Variants in NCOA1 observed in about 807,000 individuals in gnomAD.
NCOA1 encodes nuclear receptor coactivator 1, also known as Hin-2 protein.
A neutral mutation model predicts 150.9 loss-of-function variants in NCOA1; 35 were observed. The observed-to-expected ratio is 0.23, with a 90% CI of 0.18 to 0.31. NCOA1 has a LOEUF of 0.31. Among genes scored for constraint, NCOA1 ranks in the 10% least tolerant of loss-of-function variants. The pLI is 1.00. For synonymous variants in NCOA1, 590 were observed against 630.0 expected (o/e 0.94, Z 0.95); for missense variants, 1,491 against 1,749.3 (o/e 0.85, Z 2.63).
chr2:24,569,734 G>A (rs985513616), intron 2 of NCOA1, among the ~76,000 whole-genome samples: 1 of 151,220 alleles, frequency 6.6e-6, no homozygotes, highest in Non-Finnish European at 1.5e-5. Flanking sequence ...GCTGGGTGCA[G>A]TGGCAGGCGC....
intron 1 of NCOA1, among the ~76,000 whole-genome samples, chr2:24,563,461 C>A (rs1182291036): frequency 6.6e-6 from 1 of 152,046 alleles, no homozygotes; most frequent in South Asian, 2.1e-4. Context: ...AAAAGCTTAA[C>A]CCTGGGTGGT....
At chr2:24,514,227 A>C (rs891573536) in intron 1 of NCOA1, among the ~76,000 whole-genome samples, 2 of 141,692 alleles carry the variant, frequency 1.4e-5, no homozygotes, top group Admixed American at 7.4e-5. Flanking sequence ...TGGAGGTTGC[A>C]GTGAGCTGAG....
At chr2:24,517,999 A>G (rs2148127323) in intron 1 of NCOA1, among the ~76,000 whole-genome samples, 1 of 152,058 alleles carries the variant, frequency 6.6e-6, no homozygotes, top group East Asian at 1.9e-4. Flanking sequence ...TATTCTTACT[A>G]TGTGTTTTTG....
chr2:24,742,198 A>G lies in NCOA1; in HGVS notation c.3706+12A>G, dbSNP rs1302849595. 1.3e-6 allele frequency: 2 copies of G among 1,599,782 alleles called. No homozygotes were observed. Among genetic ancestry groups the G allele is most frequent in the Non-Finnish European group, 8.5e-7 (1 of 1,172,764 alleles). On this transcript the variant is annotated intron_variant, in intron 19 of 22. Coordinates refer to ENST00000348332, the MANE Select transcript of NCOA1 (RefSeq NM_003743.5). ...GTATCCAGGAGCAGGTAGGAAGGTC[A>G]CAACTTTATGTTGTTCTAAGTAATC...
At chr2:24,555,372 G>A (rs1356605245) in intron 1 of NCOA1, among the ~76,000 whole-genome samples, 1 of 151,858 alleles carries the variant, frequency 6.6e-6, no homozygotes, top group South Asian at 2.1e-4. Flanking sequence ...TTTGTTTTAC[G>A]GGCCAGAATA....
At position 24,706,582 on chromosome 2, in the gene NCOA1, T is replaced by G. The variant is rs745703063; in HGVS notation, c.1112T>G (p.Leu371Arg). The G allele has an allele frequency of 3.1e-6, 5 of 1,610,292 alleles. No homozygotes were observed. Among genetic ancestry groups the G allele is most frequent in the Non-Finnish European group, 4.2e-6 (5 of 1,176,978 alleles). Residue 371 changes from leucine to arginine, a missense_variant, in exon 13 of 23, where the codon CTT becomes CGT. Leu to Arg is a moderately radical substitution (Grantham distance 102, BLOSUM62 -2). Transcript: ENST00000348332. The stretch of plus-strand genomic sequence containing the variant: ...TTTCCCCCTAGGGAGCACAGTGGGC[T>G]TTCTCCTCAAGATGACACTAATTCT... ...IHIIDREHSGLSPQDDTNSGM... is the reference protein window; with the variant it reads ...IHIIDREHSGRSPQDDTNSGM...
chr2:24,744,270 T>A (rs1663771723), intron 19 of NCOA1, among the ~76,000 whole-genome samples: 1 of 152,226 alleles, frequency 6.6e-6, no homozygotes, highest in African/African-American at 2.4e-5. Flanking sequence ...AAGAATTTGC[T>A]TTTTATAAAG....
At chr2:24,758,473 A>G (rs1471052634) in intron 21 of NCOA1, among the ~76,000 whole-genome samples, 3 of 151,738 alleles carry the variant, frequency 2.0e-5, no homozygotes, top group Admixed American at 6.6e-5. Context: ...TGGGACTGCA[A>G]GCACATGTCA....
At chr2:24,621,432 ATTTTTTTTTTTTTTTTTTT>A (rs1162282258) in intron 3 of NCOA1, among the ~76,000 whole-genome samples, 2 of 38,860 alleles carry the variant, frequency 5.1e-5, no homozygotes, top group Non-Finnish European at 8.5e-5. Context: ...ATTCAGGCAG[ATTTTTTTTTTTTTTTTTTT>A]TTTTTTTTTT....
In NCOA1 at chr2:24,707,057, T is replaced by TAAC; in HGVS notation, c.1588_1590dup (p.Asn530dup). On this transcript the variant is annotated inframe_insertion, in exon 13 of 23. Coordinates refer to ENST00000348332, the MANE Select transcript of NCOA1 (RefSeq NM_003743.5). ...TGACAAGTAGTGCCTGTAATAATAA[T>TAAC]AACCGATCTTATTCAAACATCCCAG... 1.9e-6 allele frequency: 3 copies of TAAC among 1,614,184 alleles called. No individual in the cohort carries two copies. Among genetic ancestry groups the TAAC allele is most frequent in the Non-Finnish European group, 2.5e-6 (3 of 1,180,026 alleles).
At chr2:24,571,904 GC>G (rs1395307690) in intron 2 of NCOA1, among the ~76,000 whole-genome samples, 2 of 151,918 alleles carry the variant, frequency 1.3e-5, no homozygotes, top group Admixed American at 1.3e-4. Context: ...TTCATTCATG[GC>G]TCATTTTACT....
intron 1 of NCOA1, among the ~76,000 whole-genome samples, chr2:24,527,275 A>G (rs968713590): frequency 2.0e-5 from 3 of 152,122 alleles, no homozygotes; most frequent in African/African-American, 4.8e-5. Context: ...TTTATATCCT[A>G]CATATCTGCT....
chr2:24,665,340 G>T (rs1053533925), intron 5 of NCOA1, among the ~76,000 whole-genome samples: 2 of 151,944 alleles, frequency 1.3e-5, no homozygotes, highest in African/African-American at 4.8e-5. Context: ...TTCTATTATC[G>T]TATTCTCTGC....
rs939503973 is a variant in NCOA1 at position 24,613,696 on chromosome 2, A to G, written c.-175+29136A>G. Among the ~76,000 whole-genome samples the G allele has an allele frequency of 4.6e-5, 7 of 152,246 alleles. No homozygotes were observed. In the East Asian group the frequency reaches 1.4e-3, roughly 29 times the overall value. On this transcript the variant is annotated intron_variant, in intron 3 of 22. Transcript: ENST00000348332. ...ATGGGGTGTCTCAGGCTAGCAATCC[A>G]TGCAAATGGGTCCTCTGACTGCCTG...
At chr2:24,538,208 T>C (rs1665246315) in intron 1 of NCOA1, among the ~76,000 whole-genome samples, 2 of 152,204 alleles carry the variant, frequency 1.3e-5, no homozygotes, top group Non-Finnish European at 2.9e-5. Flanking sequence ...ATGAATACTT[T>C]TTACCTTTCC....
intron 14 of NCOA1, among the ~76,000 whole-genome samples, chr2:24,718,459 A>G (rs184855336): frequency 6.6e-6 from 1 of 152,290 alleles, no homozygotes; most frequent in East Asian, 1.9e-4. Context: ...TTCAACTTTT[A>G]GGTATTTAAC....
At chr2:24,590,608 A>G (rs1572458788) in intron 3 of NCOA1, among the ~76,000 whole-genome samples, 1 of 152,150 alleles carries the variant, frequency 6.6e-6, no homozygotes, top group East Asian at 1.9e-4. Flanking sequence ...TAAGAGTAAA[A>G]TCCAGGTTGC....
intron 7 of NCOA1, among the ~76,000 whole-genome samples, chr2:24,677,797 G>A (rs1671986514): frequency 6.6e-6 from 1 of 152,124 alleles, no homozygotes; most frequent in Non-Finnish European, 1.5e-5. Context: ...ACAGCAGAAG[G>A]CAAAGGAGAA....
chr2:24,579,946 T>C (rs1667133613), intron 2 of NCOA1, among the ~76,000 whole-genome samples: 1 of 152,184 alleles, frequency 6.6e-6, no homozygotes, highest in African/African-American at 2.4e-5. Flanking sequence ...AATGATACAG[T>C]GTTTGACATT....
Sources: gnomAD v4.1 joint callset for allele counts (sites outside exome capture counted in the v4.1 genomes callset) on GRCh38, gnomAD v4.1.1 for gene constraint, MANE v1.5 for transcripts, NCBI Gene and HGNC (gene_info 2026-07-23, HGNC 2026-07-21) for gene names.